Variants in GCH1 observed in about 807,000 individuals in gnomAD.
GCH1 encodes the protein GTP cyclohydrolase 1, also known as GTP cyclohydrolase I.
In GCH1, 5 loss-of-function variants were observed where a neutral mutation model predicts 25.9. That is an observed-to-expected ratio of 0.19 (90% CI 0.10 to 0.41). The LOEUF is 0.41. Ranked by LOEUF, GCH1 falls within the 10% of genes least tolerant of loss-of-function variation. The pLI is 1.00. For synonymous variants in GCH1, 159 were observed against 129.6 expected (o/e 1.23, Z -1.54); for missense variants, 261 against 336.5 (o/e 0.78, Z 1.75).
intron 1 of GCH1, among the ~76,000 whole-genome samples, chr14:54,866,840 G>A (rs2039995246): frequency 6.6e-6 from 1 of 152,180 alleles, no homozygotes; most frequent in Non-Finnish European, 1.5e-5. Flanking sequence ...AGGCGAACAT[G>A]GCAGGGTTAG....
At chr14:54,882,390 T>C (rs2040283962) in intron 1 of GCH1, among the ~76,000 whole-genome samples, 1 of 152,240 alleles carries the variant, frequency 6.6e-6, no homozygotes, top group African/African-American at 2.4e-5. Context: ...TCATGTATAC[T>C]ATTAACTCTC....
At chr14:54,868,626 G>C (rs1040386570) in intron 1 of GCH1, among the ~76,000 whole-genome samples, 18 of 152,012 alleles carry the variant, frequency 1.2e-4, no homozygotes, top group Non-Finnish European at 2.1e-4. Context: ...TTTTGAGACA[G>C]AGTCTTGCTC....
At chr14:54,856,040 T>C (rs2039806207) in intron 3 of GCH1, among the ~76,000 whole-genome samples, 1 of 151,858 alleles carries the variant, frequency 6.6e-6, no homozygotes, top group Admixed American at 6.6e-5. Flanking sequence ...AAAAAAATAC[T>C]GCTCCCTCTG....
chr14:54,893,564 TA>T (rs1283475672), intron 1 of GCH1, among the ~76,000 whole-genome samples: 1 of 152,194 alleles, frequency 6.6e-6, no homozygotes, highest in African/African-American at 2.4e-5. Context: ...ATATTATTAT[TA>T]AAATTAAATC....
chr14:54,849,286 G>C (rs892967050), intron 3 of GCH1, among the ~76,000 whole-genome samples: 41 of 152,082 alleles, frequency 2.7e-4, no homozygotes, highest in African/African-American at 9.9e-4. Context: ...CAAGTGAGGA[G>C]TAAATATGAA....
At chr14:54,885,482 C>G in intron 1 of GCH1, 1 of 278,496 alleles carries the variant, frequency 3.6e-6, no homozygotes. Flanking sequence ...ATAGATGCTT[C>G]TAGAAGCATA....
Position 54,845,809 on chromosome 14 carries a change from T to G in GCH1, c.585A>C (p.Glu195Asp), listed in dbSNP as rs1057524015. The G allele has an allele frequency of 6.2e-7, 1 of 1,611,412 alleles. No homozygotes were observed. Among genetic ancestry groups the G allele is most frequent in the Non-Finnish European group, 8.5e-7 (1 of 1,177,496 alleles). Residue 195 changes from glutamate to aspartate, a missense_variant, in exon 5 of 6, where the codon GAA becomes GAC. Coordinates refer to ENST00000491895, the MANE Select transcript of GCH1 (RefSeq NM_000161.3). ...CCCCGACTCCAGCAGGCCGCAAGGC[T>G]TCCGTGATTGCTACAGCAATTTGTT... ...LTKQIAVAIT[E>D]ALRPAGVGVV...
intron 5 of GCH1, among the ~76,000 whole-genome samples, chr14:54,844,578 T>A (rs775013278): frequency 2.0e-5 from 3 of 152,218 alleles, no homozygotes; most frequent in Non-Finnish European, 4.4e-5. Context: ...GGTGTTCAGA[T>A]AAATGCTCAA....
chr14:54,864,505 T>C (rs1466215104), intron 2 of GCH1, among the ~76,000 whole-genome samples: 1 of 152,196 alleles, frequency 6.6e-6, no homozygotes, highest in Non-Finnish European at 1.5e-5. Context: ...CAGATTTAAA[T>C]TCCTCCAATT....
At chr14:54,849,012 G>A (rs527809469) in intron 3 of GCH1, among the ~76,000 whole-genome samples, 1 of 152,342 alleles carries the variant, frequency 6.6e-6, no homozygotes, top group South Asian at 2.1e-4. Flanking sequence ...TTTTTCTGGA[G>A]TAGAACTTCA....
chr14:54,897,437 C>T (rs1030268308), intron 1 of GCH1, among the ~76,000 whole-genome samples: 7 of 152,034 alleles, frequency 4.6e-5, no homozygotes, highest in Admixed American at 6.6e-5. Flanking sequence ...TACAGGCATG[C>T]ACCACCACAC....
At chr14:54,889,108 TC>T (rs2040392740) in intron 1 of GCH1, among the ~76,000 whole-genome samples, 1 of 152,122 alleles carries the variant, frequency 6.6e-6, no homozygotes, top group Non-Finnish European at 1.5e-5. Flanking sequence ...AGCAAACTGT[TC>T]CTTGAAGCTG....
chr14:54,844,923 G>A (rs2039616669), intron 5 of GCH1, among the ~76,000 whole-genome samples: 1 of 152,224 alleles, frequency 6.6e-6, no homozygotes, highest in African/African-American at 2.4e-5. Context: ...AGTAATCTCA[G>A]TATTTTGGGA....
intron 3 of GCH1, chr14:54,859,363 T>C (rs945141621): frequency 2.8e-6 from 1 of 355,526 alleles, no homozygotes; most frequent in Admixed American, 4.1e-5. Context: ...AAACCCCCCT[T>C]AAAGGATGGG....
chr14:54,867,558 A>C (rs1333177131), intron 1 of GCH1, among the ~76,000 whole-genome samples: 2 of 135,002 alleles, frequency 1.5e-5, no homozygotes, highest in Non-Finnish European at 3.1e-5. Context: ...ACTGTACTCT[A>C]GCCTGGGCAA....
chr14:54,865,936 T>G (rs1265876915), intron 1 of GCH1, among the ~76,000 whole-genome samples: 1 of 152,116 alleles, frequency 6.6e-6, no homozygotes, highest in Admixed American at 6.6e-5. Context: ...TTTTCTACAT[T>G]TGTAAAGTGT....
At position 54,843,809 on chromosome 14, in the gene GCH1, C is replaced by A. The variant is rs1215059903; in HGVS notation, c.*208G>T. ...TATTAGCAGTTCACTTTAATATTGC[C>A]ACAAAAAGGTGGCAAGAAGAAAGTA... On this transcript the variant is annotated 3_prime_UTR_variant, in exon 6 of 6. Coordinates refer to ENST00000491895, the MANE Select transcript of GCH1 (RefSeq NM_000161.3). 4 of 1,613,682 alleles carry A rather than the reference C, an allele frequency of 2.5e-6. No homozygotes were observed. Among genetic ancestry groups the A allele is most frequent in the East Asian group, 2.2e-5 (1 of 44,890 alleles).
At position 54,902,642 on chromosome 14, in the gene GCH1, C is replaced by G. The variant is rs529381971; in HGVS notation, c.22G>C (p.Ala8Pro). 1.3e-6 allele frequency: 2 copies of G among 1,483,228 alleles called. No individual in the cohort carries two copies. The highest frequency in any genetic ancestry group is 1.8e-6 in the Non-Finnish European group (2 of 1,121,734). The allele number at this position is 1,483,228 out of a possible 1,614,324, so 91.9% of individuals were successfully genotyped here. A position where few individuals can be genotyped will look rare whatever the true frequency, so the allele number is the denominator to read the frequency against. Residue 8 changes from alanine (A) to proline (P), a missense_variant, in exon 1 of 6, where the codon GCA becomes CCA. Physicochemically the swap from Ala to Pro is conservative, Grantham distance 27 (BLOSUM62 -1). Coordinates refer to ENST00000491895, the MANE Select transcript of GCH1 (RefSeq NM_000161.3). MEKGPVR[A>P]PAEKPRGARC... ...GCGCCCCGCGGCTTCTCCGCCGGTG[C>G]CCGCACAGGGCCCTTCTCCATGGAC...
At chr14:54,899,705 A>G (rs954068473) in intron 1 of GCH1, among the ~76,000 whole-genome samples, 1 of 152,094 alleles carries the variant, frequency 6.6e-6, no homozygotes, top group Admixed American at 6.6e-5. Flanking sequence ...TGGCATTCAC[A>G]ATATTGTGCA....
Sources: allele counts gnomAD v4.1 joint callset (sites outside exome capture counted in the v4.1 genomes callset), GRCh38; gene constraint gnomAD v4.1.1; transcripts MANE v1.5; gene names NCBI Gene and HGNC (gene_info 2026-07-23, HGNC 2026-07-21).